The following WNK3 variants were observed in gnomAD, a reference collection of about 807,000 sequenced individuals.
WNK3 encodes WNK lysine deficient protein kinase 3, also known as serine/threonine-protein kinase WNK3.
In WNK3, 18 loss-of-function variants were observed where a neutral mutation model predicts 116.7. That is an observed-to-expected ratio of 0.15 (90% CI 0.11 to 0.23). The LOEUF (loss-of-function observed/expected upper bound fraction) is 0.23. WNK3 is among the 10% of genes least tolerant of loss of function. The pLI is 1.00. For missense variants in WNK3, 993 were observed against 1,323.8 expected (o/e 0.75, Z 3.88); for synonymous variants, 404 against 469.4 (o/e 0.86, Z 1.80).
intron 18 of WNK3, 33 bp from the exon 19 acceptor site, chrX:54,238,505 A>T (rs1557150793): frequency 3.4e-6 from 4 of 1,183,484 alleles, no homozygotes. Context: ...AGTAAAAAAG[A>T]GAAAATTGTT....
exon 17 of WNK3, chrX:54,249,313 C>T (rs782637003): frequency 3.3e-6 from 4 of 1,210,720 alleles, no homozygotes; most frequent in South Asian, 3.5e-5. Flanking sequence ...ATCAGCCTGA[C>T]TGGCAGTTTG....
At chrX:54,230,029 A>G (rs1192316621) in intron 21 of WNK3, among the ~76,000 whole-genome samples, 1 of 111,888 alleles carries the variant, frequency 8.9e-6, no homozygotes, top group Non-Finnish European at 1.9e-5. Flanking sequence ...ATACTTTATT[A>G]AAATCACAAA....
intron 15 of WNK3, 126 bp from the exon 16 acceptor site, chrX:54,250,257 T>C: frequency 1.5e-6 from 1 of 648,711 alleles, no homozygotes; most frequent in Non-Finnish European, 2.2e-6. Flanking sequence ...TACTAGAATA[T>C]ATGTAATTGA....
Position 54,259,278 on chromosome X carries a change from G to T in WNK3, c.2098C>A (p.Arg700=), listed in dbSNP as rs782562745. The T allele has an allele frequency of 2.1e-5, 25 of 1,186,113 alleles. No homozygotes were observed. In the South Asian group the frequency reaches 3.2e-4, roughly 15 times the overall value. Residue 700 remains arginine (R), a synonymous_variant, in exon 11 of 24, where the codon CGA becomes AGA. Transcript: ENST00000354646. ...TATTAATTTGAAGATACTTACCTTC[G>T]AACTAAATCTGGTTTTAGAAGAGCT...
chrX:54,259,864 C>A (rs782426019), intron 10 of WNK3, among the ~76,000 whole-genome samples: 4 of 111,813 alleles, frequency 3.6e-5, no homozygotes, highest in Non-Finnish European at 5.6e-5. Flanking sequence ...AATACCAATT[C>A]TACTGGAAAA....
intron 19 of WNK3, 108 bp from the exon 20 acceptor site, chrX:54,237,659 C>G (rs914631139): frequency 1.2e-4 from 95 of 760,839 alleles, no homozygotes; most frequent in Non-Finnish European, 1.6e-4. Context: ...AATCTATACC[C>G]CCAAATTCAC....
At chrX:54,204,907 A>C (rs782737124) in intron 22 of WNK3, among the ~76,000 whole-genome samples, 3 of 112,432 alleles carry the variant, frequency 2.7e-5, no homozygotes, top group African/African-American at 9.7e-5. Flanking sequence ...GTTAGGTCTA[A>C]ATGTCATTAA....
chrX:54,224,989 G>A (rs1450694035), intron 22 of WNK3, among the ~76,000 whole-genome samples: 3 of 110,215 alleles, frequency 2.7e-5, no homozygotes, highest in African/African-American at 6.6e-5. Flanking sequence ...TATATGGAAC[G>A]CTCCACCCAA....
At chrX:54,303,763 T>C (rs1477713377) in intron 5 of WNK3, among the ~76,000 whole-genome samples, 2 of 111,421 alleles carry the variant, frequency 1.8e-5, no homozygotes, top group Non-Finnish European at 3.8e-5. Flanking sequence ...TTTTCTAAAA[T>C]AAATACATTT....
intron 1 of WNK3, among the ~76,000 whole-genome samples, chrX:54,352,163 G>A (rs1478046782): frequency 1.8e-5 from 2 of 111,063 alleles, no homozygotes; most frequent in African/African-American, 6.5e-5. Flanking sequence ...CATCATTAGG[G>A]AAATACAATT....
At chrX:54,266,226 G>A (rs2068309202) in intron 10 of WNK3, among the ~76,000 whole-genome samples, 1 of 111,479 alleles carries the variant, frequency 9.0e-6, no homozygotes, top group Non-Finnish European at 1.9e-5. Flanking sequence ...TCACTTATGT[G>A]TGGGAGCTAA....
At chrX:54,197,488 G>A (rs782421084) in exon 24 of WNK3, 5 of 110,768 alleles carry the variant, frequency 4.5e-5, no homozygotes, top group Non-Finnish European at 9.5e-5. Context: ...TTTTTGGGGG[G>A]GCTAAGGAGG....
intron 20 of WNK3, among the ~76,000 whole-genome samples, chrX:54,234,152 T>C (rs1345136739): frequency 1.8e-5 from 2 of 111,342 alleles, no homozygotes; most frequent in Admixed American, 9.6e-5. Context: ...GACAGGAGGA[T>C]GGCCTGAGGC....
At chrX:54,325,038 TG>T (rs1352110766) in intron 2 of WNK3, among the ~76,000 whole-genome samples, 1 of 112,074 alleles carries the variant, frequency 8.9e-6, no homozygotes, top group East Asian at 2.8e-4. Context: ...GCTTCAGGTG[TG>T]GAAGTATGGA....
intron 10 of WNK3, among the ~76,000 whole-genome samples, chrX:54,274,148 CAA>C (rs2068414751): frequency 9.0e-6 from 1 of 111,617 alleles, no homozygotes; most frequent in Non-Finnish European, 1.9e-5. Context: ...CCAAACTCAA[CAA>C]AGAGATTAAC....
At chrX:54,205,553 C>T (rs1044639723) in intron 22 of WNK3, among the ~76,000 whole-genome samples, 10 of 110,843 alleles carry the variant, frequency 9.0e-5, no homozygotes, top group South Asian at 7.7e-4. Context: ...CCAGCCTGGG[C>T]GACAAAGCAA....
chrX:54,299,324 T>C (rs1482631322), intron 6 of WNK3, among the ~76,000 whole-genome samples: 5 of 111,002 alleles, frequency 4.5e-5, no homozygotes, highest in African/African-American at 1.6e-4. Flanking sequence ...AAGTGACAAA[T>C]ACTTAACTAA....
At chrX:54,252,887 A>G (rs1278119915) in intron 13 of WNK3, among the ~76,000 whole-genome samples, 3 of 110,195 alleles carry the variant, frequency 2.7e-5, no homozygotes, top group African/African-American at 9.9e-5. Flanking sequence ...TCTTCCTGCC[A>G]TCCTAGTCCC....
chrX:54,309,721 G>A (rs1405449576), intron 3 of WNK3, among the ~76,000 whole-genome samples: 1 of 111,508 alleles, frequency 9.0e-6, no homozygotes, highest in Admixed American at 9.6e-5. Flanking sequence ...TGGCATAGAC[G>A]GGGTTTCACC....
Sources: allele counts gnomAD v4.1 joint callset (sites outside exome capture counted in the v4.1 genomes callset), GRCh38; gene constraint gnomAD v4.1.1; transcripts MANE v1.5; gene names NCBI Gene and HGNC (gene_info 2026-07-23, HGNC 2026-07-21).